SGSM1: variants seen among roughly 807,000 people sequenced by gnomAD.
SGSM1 encodes RUN and TBC1 domain containing 2.
Under a neutral mutation model 133.8 loss-of-function variants are expected in SGSM1, and 73 were observed. That is an observed-to-expected ratio of 0.55 (90% CI 0.45 to 0.66). SGSM1 has a LOEUF of 0.66. SGSM1 is among the 30% of genes least tolerant of loss of function. The pLI is 0.00. For synonymous variants in SGSM1, 563 were observed against 573.0 expected, an observed-to-expected ratio of 0.98 and a Z score of 0.25; for missense variants, 1,213 against 1,448.1, an observed-to-expected ratio of 0.84 and a Z score of 2.64.
intron 2 of SGSM1, among the ~76,000 whole-genome samples, chr22:24,807,903 G>GTGTGTGTGTCTC: frequency 6.6e-6 from 1 of 151,946 alleles, no homozygotes; most frequent in South Asian, 2.1e-4. Flanking sequence ...GTGTGTGTGT[G>GTGTGTGTGTCTC]TGTGTGTGTC....
chr22:24,893,730 C>T, intron 17 of SGSM1, 117 bp downstream of exon 17: 2 of 1,169,940 alleles, frequency 1.7e-6, no homozygotes, highest in East Asian at 5.9e-5. Context: ...CAGTCTCACC[C>T]CTGGCTTTTT....
chr22:24,866,949 A>G (rs991483816), intron 9 of SGSM1, 144 bp from the exon 10 acceptor site: 1 of 726,380 alleles, frequency 1.4e-6, no homozygotes, highest in African/African-American at 1.7e-5. Flanking sequence ...GGGGAGATAG[A>G]GTCTGGGCAG....
intron 20 of SGSM1, among the ~76,000 whole-genome samples, chr22:24,902,927 G>A (rs951284798): frequency 1.1e-4 from 16 of 152,040 alleles, no homozygotes; most frequent in African/African-American, 3.9e-4. Flanking sequence ...TATAGTCGTA[G>A]CTACTTTGGG....
In SGSM1 at chr22:24,901,841, G is replaced by A; in HGVS notation, c.2619G>A (p.Leu873=). 6.2e-7 allele frequency: 1 copy of A among 1,612,946 alleles called. No individual in the cohort carries two copies. Among genetic ancestry groups the A allele is most frequent in the South Asian group, 1.1e-5 (1 of 90,618 alleles). Residue 873 remains leucine (L), a synonymous_variant, in exon 20 of 25, where the codon CTG becomes CTA. Transcript: ENST00000400358. ...SSSGVTYSPE[L]LDLYTVNLHR... ...GCCCCGATGGCCTATAGCCAGAGCTGCTGGATCTGTACACGGTGAACCTGC... is the reference window on the plus strand; with the variant it reads ...GCCCCGATGGCCTATAGCCAGAGCTACTGGATCTGTACACGGTGAACCTGC...
Position 24,855,392 on chromosome 22 carries a change from G to C in SGSM1, c.631G>C (p.Val211Leu). Residue 211 changes from valine (V) to leucine (L), a missense_variant, in exon 7 of 25, where the codon GTG becomes CTG. Transcript: ENST00000400358. ...VQRHRIHSSHVRQDSPTKRPA... is the reference protein window; with the variant it reads ...VQRHRIHSSHLRQDSPTKRPA... ...GAGGCACCGCATCCACAGCTCCCAC[G>C]TGCGGCAGGACTCGCCCACCAAGCG... 1 of 1,613,516 alleles carries C rather than the reference G, an allele frequency of 6.2e-7. No individual in the cohort carries two copies. Among genetic ancestry groups the C allele is most frequent in the Non-Finnish European group, 8.5e-7 (1 of 1,179,798 alleles).
At chr22:24,817,217 T>C (rs534002964) in intron 2 of SGSM1, among the ~76,000 whole-genome samples, 56 of 152,168 alleles carry the variant, frequency 3.7e-4, no homozygotes, top group Non-Finnish European at 7.1e-4. Context: ...CAGTCCCGAG[T>C]GCTGCCTGGG....
At chr22:24,847,944 G>A in intron 4 of SGSM1, 148 bp downstream of exon 4, 2 of 1,068,704 alleles carry the variant, frequency 1.9e-6, no homozygotes, top group Admixed American at 2.9e-5. Context: ...CCACCCCAGG[G>A]TCTTTGCACG....
intron 2 of SGSM1, among the ~76,000 whole-genome samples, chr22:24,820,849 G>A (rs549833814): frequency 3.3e-5 from 5 of 152,310 alleles, no homozygotes; most frequent in South Asian, 4.1e-4. Context: ...GGGCAGAGGC[G>A]GATAATGACC....
intron 16 of SGSM1, among the ~76,000 whole-genome samples, chr22:24,891,781 G>A (rs1245828813): frequency 4.6e-5 from 7 of 152,168 alleles, no homozygotes; most frequent in Non-Finnish European, 1.0e-4. Context: ...AAGGCAGTCA[G>A]AGAAGACTCC....
chr22:24,918,575 T>A (rs1026099556), intron 23 of SGSM1, among the ~76,000 whole-genome samples: 8 of 152,056 alleles, frequency 5.3e-5, no homozygotes, highest in Non-Finnish European at 1.0e-4. Context: ...TATTATCTCT[T>A]TAGTCTTTTT....
chr22:24,849,195 A>G (rs1465422366), intron 4 of SGSM1, among the ~76,000 whole-genome samples: 2 of 152,016 alleles, frequency 1.3e-5, no homozygotes, highest in African/African-American at 2.4e-5. Context: ...GAGATACAGA[A>G]ATGAAGAGGG....
At chr22:24,900,469 G>A (rs1037319475) in intron 19 of SGSM1, among the ~76,000 whole-genome samples, 2 of 150,668 alleles carry the variant, frequency 1.3e-5, no homozygotes, top group South Asian at 2.1e-4. Flanking sequence ...GCGTGATCTC[G>A]ACTCACCGCA....
chr22:24,849,475 C>T (rs1045394537), intron 4 of SGSM1, among the ~76,000 whole-genome samples: 7 of 152,178 alleles, frequency 4.6e-5, no homozygotes, highest in Non-Finnish European at 1.0e-4. Context: ...ATCGCTTGAA[C>T]CCAGGAGGCA....
At chr22:24,847,997 C>G (rs1044407198) in intron 4 of SGSM1, among the ~76,000 whole-genome samples, 2 of 151,674 alleles carry the variant, frequency 1.3e-5, no homozygotes, top group African/African-American at 2.4e-5. Context: ...TCGTCCATAG[C>G]TGCTTTCTTG....
chr22:24,891,248 T>C (rs1932809578), intron 16 of SGSM1, among the ~76,000 whole-genome samples: 1 of 152,188 alleles, frequency 6.6e-6, no homozygotes. Context: ...TAGTCCTAGC[T>C]ACTCAGGAGG....
At chr22:24,836,972 A>C (rs1282761960) in intron 2 of SGSM1, among the ~76,000 whole-genome samples, 1 of 152,238 alleles carries the variant, frequency 6.6e-6, no homozygotes, top group Non-Finnish European at 1.5e-5. Context: ...ATTTGGTGTC[A>C]TATCCAAGAA....
At chr22:24,866,853 TG>T (rs1931484342) in intron 9 of SGSM1, among the ~76,000 whole-genome samples, 1 of 150,602 alleles carries the variant, frequency 6.6e-6, no homozygotes, top group African/African-American at 2.4e-5. Context: ...GGGTGGAGAG[TG>T]GGTGGGGTCG....
rs1341463025 is a variant in SGSM1, at chr22:24,840,446, C to T, written c.64-4451C>T. 4.6e-5 allele frequency among the ~76,000 whole-genome samples: 7 copies of T among 152,108 alleles called. No individual in the cohort carries two copies. In the East Asian group the frequency reaches 1.4e-3, roughly 29 times the overall value. ...GCAGCCTCCACCTCCCGGGTTCAAG[C>T]AATTCTCCCACCTCAGTCTCCCAAA... On this transcript the variant is annotated intron_variant, in intron 2 of 24. Coordinates refer to ENST00000400358, the MANE Select transcript of SGSM1 (RefSeq NM_001098497.3).
intron 14 of SGSM1, 43 bp from the exon 15 acceptor site, chr22:24,884,010 T>A (rs1381748645): frequency 1.3e-6 from 2 of 1,547,722 alleles, no homozygotes; most frequent in Non-Finnish European, 1.8e-6. Context: ...GGTGAGGGGC[T>A]TCAGGTGGTG....
Sources: allele counts gnomAD v4.1 joint callset (sites outside exome capture counted in the v4.1 genomes callset), GRCh38; gene constraint gnomAD v4.1.1; transcripts MANE v1.5; gene names NCBI Gene and HGNC (gene_info 2026-07-23, HGNC 2026-07-21).